The following IHO1 variants were observed in gnomAD, a reference collection of about 807,000 sequenced individuals.
The protein encoded by IHO1 is interactor of HORMAD1 protein 1.
In IHO1, 13 loss-of-function variants were observed where a neutral mutation model predicts 31.0. The observed-to-expected ratio is 0.42, with a 90% CI of 0.27 to 0.67. The LOEUF (loss-of-function observed/expected upper bound fraction) is 0.67, where lower values mean the gene tolerates loss of function less well. IHO1 is among the 30% of genes least tolerant of loss of function. The pLI is 0.24. For synonymous variants in IHO1, 221 were observed against 248.4 expected (o/e 0.89, Z 1.04); for missense variants, 599 against 687.5 (o/e 0.87, Z 1.44).
chr3:49,235,269 C>T (rs1575580420), intron 2 of IHO1, among the ~76,000 whole-genome samples: 2 of 150,522 alleles, frequency 1.3e-5, no homozygotes, highest in South Asian at 2.1e-4. Context: ...CTCTGTTGCC[C>T]AGGCTGGAGT....
At chr3:49,215,600 A>C (rs2046278261) in intron 2 of IHO1, among the ~76,000 whole-genome samples, 2 of 152,204 alleles carry the variant, frequency 1.3e-5, no homozygotes, top group South Asian at 4.1e-4. Context: ...AAAGCCAATC[A>C]CTGAGATGAG....
intron 1 of IHO1, among the ~76,000 whole-genome samples, chr3:49,210,105 A>C (rs1207991874): frequency 1.3e-5 from 2 of 149,932 alleles, no homozygotes; most frequent in Non-Finnish European, 3.0e-5. Context: ...CACAGTTTAC[A>C]GAAGCCTTGA....
rs2046627682 is a variant in IHO1, at chr3:49,241,284, T to C, written c.290T>C (p.Ile97Thr). Residue 97 changes from isoleucine (I) to threonine (T), a missense_variant, in exon 4 of 8, where the codon ATA becomes ACA. By Grantham distance (89) the Ile-to-Thr change is moderately conservative. Transcript: ENST00000452691. ...AAGCCCCAGCTGTTCGGAGGAGATA[T>C]AAAAGATGGAGGTTTATTTCCTCCT... is the stretch of plus-strand genomic sequence containing the variant. ...QTKPQLFGGDIKDGGLFPPPL... is the reference protein window; with the variant it reads ...QTKPQLFGGDTKDGGLFPPPL... 1.9e-6 allele frequency: 3 copies of C among 1,613,886 alleles called. No homozygotes were observed. The highest frequency in any genetic ancestry group is 2.5e-6 in the Non-Finnish European group (3 of 1,179,844).
chr3:49,222,882 T>C (rs1185933876), intron 2 of IHO1, among the ~76,000 whole-genome samples: 1 of 152,198 alleles, frequency 6.6e-6, no homozygotes, highest in East Asian at 1.9e-4. Flanking sequence ...TTGTAGTGAA[T>C]CCAAGATTCC....
At chr3:49,212,919 A>C (rs2046240753) in intron 2 of IHO1, among the ~76,000 whole-genome samples, 1 of 152,260 alleles carries the variant, frequency 6.6e-6, no homozygotes, top group East Asian at 1.9e-4. Context: ...TTATTCCCTT[A>C]TCTGGCCCCA....
At chr3:49,204,205 C>G (rs946028319) in intron 1 of IHO1, among the ~76,000 whole-genome samples, 1 of 152,092 alleles carries the variant, frequency 6.6e-6, no homozygotes, top group African/African-American at 2.4e-5. Flanking sequence ...ACAGTCCTAC[C>G]TCTTAATACT....
At chr3:49,225,867 T>TATACATACC (rs2046411411) in intron 2 of IHO1, among the ~76,000 whole-genome samples, 1 of 152,122 alleles carries the variant, frequency 6.6e-6, no homozygotes, top group African/African-American at 2.4e-5. Flanking sequence ...CCTCGATGGT[T>TATACATACC]ATACATACCC....
upstream of IHO1, among the ~76,000 whole-genome samples, chr3:49,195,873 G>A (rs2045993642): frequency 6.6e-6 from 1 of 151,356 alleles, no homozygotes; most frequent in African/African-American, 2.4e-5. Flanking sequence ...AGGCCAAGGT[G>A]GGCGGATCAC....
upstream of IHO1, among the ~76,000 whole-genome samples, chr3:49,198,271 A>C (rs148848121): frequency 3.3e-5 from 5 of 152,294 alleles, no homozygotes; most frequent in Non-Finnish European, 7.4e-5. Flanking sequence ...GGTCACTCAA[A>C]GTTAATTCTA....
At chr3:49,245,594 G>A (rs1369290934) in intron 6 of IHO1, 1 of 152,256 alleles carries the variant, frequency 6.6e-6, no homozygotes, top group African/African-American at 2.4e-5. Flanking sequence ...ACAGAAGAGA[G>A]TAAATATACA....
At chr3:49,241,063 A>G (rs2046624991) in intron 3 of IHO1, among the ~76,000 whole-genome samples, 163 bp from the exon 4 acceptor site, 1 of 152,254 alleles carries the variant, frequency 6.6e-6, no homozygotes, top group Non-Finnish European at 1.5e-5. Context: ...TATTTTAAAT[A>G]TAATTTTCTG....
In IHO1 at chr3:49,237,524, T is replaced by G. The variant is rs146301189; in HGVS notation, c.231+802T>G. Among the ~76,000 whole-genome samples the G allele has an allele frequency of 4.6e-5, 7 of 152,222 alleles. No individual in the cohort carries two copies. The East Asian group carries it at 1.4e-3, about 29-fold the overall frequency. ...ACTTAATAGTCTGAAATGGCAACAT[T>G]TATATTTGCGGTTTCTTCTATTACA... On this transcript the variant is annotated intron_variant, in intron 3 of 7. Transcript: ENST00000452691.
intron 2 of IHO1, among the ~76,000 whole-genome samples, chr3:49,220,792 T>C (rs928974198): frequency 2.0e-5 from 3 of 152,104 alleles, no homozygotes; most frequent in African/African-American, 7.2e-5. Context: ...GGCATGAACC[T>C]GGGAGGCAGA....
chr3:49,221,821 C>T (rs2046358752), intron 2 of IHO1, among the ~76,000 whole-genome samples: 1 of 152,204 alleles, frequency 6.6e-6, no homozygotes, highest in South Asian at 2.1e-4. Flanking sequence ...AGATGGCTGT[C>T]AGGAGGCCTA....
rs145272268 is a variant in IHO1, at chr3:49,225,865, G to A, written c.57-10683G>A. Reference sequence around the variant, plus strand: ...GAAGTCAATTTCCTGGCCCTCGATGGTTATACATACCCAGGGCTCAGTGAG... The same window carrying A: ...GAAGTCAATTTCCTGGCCCTCGATGATTATACATACCCAGGGCTCAGTGAG... On this transcript the variant is annotated intron_variant, in intron 2 of 7. Coordinates refer to ENST00000452691, the MANE Select transcript of IHO1 (RefSeq NM_001135197.2). Among the ~76,000 whole-genome samples, 988 of 152,224 alleles carry A rather than the reference G, an allele frequency of 6.5e-3. 8 individuals are homozygous for A. Among genetic ancestry groups the A allele is most frequent in the African/African-American group, 0.023 (941 of 41,534 alleles).
chr3:49,233,267 C>T (rs1448806992), intron 2 of IHO1, among the ~76,000 whole-genome samples: 1 of 152,124 alleles, frequency 6.6e-6, no homozygotes, highest in African/African-American at 2.4e-5. Context: ...TGGCACTTCA[C>T]CCTCAAATGT....
intron 3 of IHO1, among the ~76,000 whole-genome samples, chr3:49,239,454 G>A (rs1419779503): frequency 6.6e-6 from 1 of 150,766 alleles, no homozygotes; most frequent in Non-Finnish European, 1.5e-5. Context: ...GCTAATTTTT[G>A]TATTTTTAGT....
rs771363168 is a variant in IHO1 at position 49,256,162 on chromosome 3, C to T, written c.665C>T (p.Ser222Phe). Residue 222 changes from serine to phenylalanine, a missense_variant, in exon 8 of 8, where the codon TCC (serine) becomes TTC (phenylalanine). By Grantham distance (155) the Ser-to-Phe change is radical. Transcript: ENST00000452691. This position sits in a 1 kb window ranked among gnomAD's most constrained non-coding sequence, Gnocchi z 4.6. ...ARQGEFIEMK[S>F]NLKHLEVLVA... ...CAAGGAGAGTTTATAGAAATGAAGT[C>T]CAACCTGAAGCACCTTGAAGTTTTA... The T allele has an allele frequency of 6.2e-7, 1 of 1,612,328 alleles. No homozygotes were observed.
chr3:49,197,127 C>G (rs1308738035), upstream of IHO1, among the ~76,000 whole-genome samples: 1 of 147,264 alleles, frequency 6.8e-6, no homozygotes, highest in Non-Finnish European at 1.5e-5. Flanking sequence ...GCTACAGGCT[C>G]GTGCCACCAC....
Sources: gnomAD v4.1 joint callset for allele counts (sites outside exome capture counted in the v4.1 genomes callset) on GRCh38, gnomAD v4.1.1 for gene constraint, Gnocchi (gnomAD v3.1) non-coding constraint, MANE v1.5 for transcripts, NCBI Gene and HGNC (gene_info 2026-07-23, HGNC 2026-07-21) for gene names.